The following MAPK10 variants were observed in gnomAD, a reference collection of about 807,000 sequenced individuals.
MAPK10 encodes JNK3 alpha protein kinase.
Under a neutral mutation model 59.3 loss-of-function variants are expected in MAPK10, and 25 were observed. The ratio of observed to expected loss-of-function variants is 0.42; its 90% CI spans 0.31 to 0.59. The LOEUF (loss-of-function observed/expected upper bound fraction) is 0.59, where lower values mean the gene tolerates loss of function less well. Ranked by LOEUF, MAPK10 falls within the 20% of genes least tolerant of loss-of-function variation. The probability of loss-of-function intolerance (pLI) is 0.15; values close to 1 mark genes in which losing one functional copy is unlikely to be tolerated. For missense variants in MAPK10, 351 were observed against 568.9 expected (o/e 0.62, Z 3.90); for synonymous variants, 190 against 200.5 (o/e 0.95, Z 0.44).
intron 13 of MAPK10, among the ~76,000 whole-genome samples, chr4:86,018,396 C>T (rs928760823): frequency 1.1e-4 from 16 of 151,526 alleles, no homozygotes; most frequent in East Asian, 1.9e-4. Context: ...ACAGCTTTTG[C>T]TTATGAGCTA....
intron 2 of MAPK10, among the ~76,000 whole-genome samples, chr4:86,349,070 T>C (rs1055169655): frequency 2.0e-5 from 3 of 152,210 alleles, no homozygotes; most frequent in Non-Finnish European, 4.4e-5. Context: ...CAACAGTTTG[T>C]TTAGGAAAGT....
In MAPK10 at chr4:86,375,086, A is replaced by G. The variant is rs146904248; in HGVS notation, c.-121-20442T>C. On this transcript the variant is annotated intron_variant, in intron 1 of 13. Coordinates refer to the MAPK10 transcript ENST00000361569. ...TGATTATAATGCGAGGGATTTTTAA[A>G]TTGCTAAATCATTACAGTGATGGGA... is the stretch of plus-strand genomic sequence containing the variant. Among the ~76,000 whole-genome samples the G allele has an allele frequency of 2.6e-3, 401 of 152,338 alleles. 8 individuals carry two copies. Among genetic ancestry groups the G allele is most frequent in the Admixed American group, 0.024 (365 of 15,302 alleles).
intron 11 of MAPK10, among the ~76,000 whole-genome samples, chr4:86,059,083 C>T (rs2045212429): frequency 6.6e-6 from 1 of 152,164 alleles, no homozygotes. Context: ...AATAGGCATA[C>T]ACAATATCAA....
intron 1 of MAPK10, among the ~76,000 whole-genome samples, chr4:86,424,682 G>A (rs549411965): frequency 6.6e-6 from 1 of 152,112 alleles, no homozygotes; most frequent in East Asian, 1.9e-4. Flanking sequence ...CTCATGTCTA[G>A]GAAATCATGA....
intron 2 of MAPK10, among the ~76,000 whole-genome samples, chr4:86,208,209 A>C (rs569741586): frequency 6.6e-6 from 1 of 152,082 alleles, no homozygotes; most frequent in South Asian, 2.1e-4. Context: ...AATCAATAGA[A>C]AAAGAGGGAA....
intron 11 of MAPK10, among the ~76,000 whole-genome samples, chr4:86,049,912 C>T (rs930411128): frequency 1.3e-5 from 2 of 152,098 alleles, no homozygotes; most frequent in African/African-American, 2.4e-5. Flanking sequence ...AAATCTGTTC[C>T]CCCAAGCCTG....
At chr4:86,428,317 T>A (rs1747576207) in intron 1 of MAPK10, among the ~76,000 whole-genome samples, 1 of 152,038 alleles carries the variant, frequency 6.6e-6, no homozygotes, top group Non-Finnish European at 1.5e-5. Context: ...CTAATTTTTG[T>A]ATTTTTTGTT....
intron 1 of MAPK10, among the ~76,000 whole-genome samples, chr4:86,523,631 C>G (rs1428562144): frequency 2.0e-5 from 3 of 152,202 alleles, no homozygotes; most frequent in Non-Finnish European, 4.4e-5. Flanking sequence ...TTTGGCTCTT[C>G]CGTTTCTTGA....
At chr4:86,468,472 T>C (rs1752395544) in intron 1 of MAPK10, among the ~76,000 whole-genome samples, 1 of 152,182 alleles carries the variant, frequency 6.6e-6, no homozygotes, top group Non-Finnish European at 1.5e-5. Context: ...GAACCAGATT[T>C]TGAAGAGCTT....
At chr4:86,372,594 A>AAAAGAAAAGAAAAGAAAAGAAAAGG (rs1315879759) in intron 1 of MAPK10, among the ~76,000 whole-genome samples, 1 of 151,656 alleles carries the variant, frequency 6.6e-6, no homozygotes, top group African/African-American at 2.4e-5. Flanking sequence ...AAAAGAAAAG[A>AAAAGAAAAGAAAAGAAAAGAAAAGG]AAAGGAAAGA....
intron 3 of MAPK10, among the ~76,000 whole-genome samples, chr4:86,176,312 C>T (rs2075676555): frequency 6.6e-6 from 1 of 152,110 alleles, no homozygotes; most frequent in African/African-American, 2.4e-5. Context: ...TAACCATACA[C>T]TGAAAATCAC....
At chr4:86,489,756 G>A (rs917245415) in intron 1 of MAPK10, among the ~76,000 whole-genome samples, 22 of 152,148 alleles carry the variant, frequency 1.4e-4, no homozygotes, top group Non-Finnish European at 2.6e-4. Flanking sequence ...CTCTAACTCC[G>A]TCTCATCTCC....
chr4:86,291,363 C>T (rs995561556), intron 2 of MAPK10, among the ~76,000 whole-genome samples: 2 of 152,260 alleles, frequency 1.3e-5, no homozygotes, highest in East Asian at 3.9e-4. Flanking sequence ...GGTCCCGAGT[C>T]GGCCAATGCC....
chr4:86,044,141 T>C (rs1257193834), intron 11 of MAPK10, among the ~76,000 whole-genome samples: 1 of 152,190 alleles, frequency 6.6e-6, no homozygotes, highest in Non-Finnish European at 1.5e-5. Context: ...AGATACAAAT[T>C]TCCACGTCCA....
intron 1 of MAPK10, among the ~76,000 whole-genome samples, chr4:86,418,455 G>A (rs897594398): frequency 3.9e-5 from 6 of 152,092 alleles, no homozygotes; most frequent in South Asian, 2.1e-4. Flanking sequence ...TCATTTGTAC[G>A]AAATGCACCA....
rs116097162 is a variant in MAPK10, at chr4:86,356,582, C to T, written c.-121-1938G>A. 8.1e-3 allele frequency: 2,605 copies of T among 321,570 alleles called. 17 individuals carry two copies. The highest frequency in any genetic ancestry group is 0.023 in the South Asian group (188 of 8,100). The allele number at this position is 321,570 out of a possible 1,614,324, so 19.9% of individuals were successfully genotyped here. A position where few individuals can be genotyped will look rare whatever the true frequency, so the allele number is the denominator to read the frequency against. On this transcript the variant is annotated intron_variant, in intron 1 of 13. Transcript: ENST00000641462. ...GGTTTTGTATTTTCCCCTTCTTTGCCTTGATCGGTTCATGAGGATAAAATG... is the reference window on the plus strand; with the variant it reads ...GGTTTTGTATTTTCCCCTTCTTTGCTTTGATCGGTTCATGAGGATAAAATG...
chr4:86,527,463 C>A (rs1297833748), intron 1 of MAPK10, among the ~76,000 whole-genome samples: 1 of 151,804 alleles, frequency 6.6e-6, no homozygotes, highest in Non-Finnish European at 1.5e-5. Context: ...CAATGAGATA[C>A]CATCTCACAC....
At chr4:86,379,300 A>G (rs1480774285) in intron 1 of MAPK10, among the ~76,000 whole-genome samples, 1 of 152,228 alleles carries the variant, frequency 6.6e-6, no homozygotes, top group African/African-American at 2.4e-5. Context: ...TATTGTAGAA[A>G]TCATTTTGCA....
Position 86,081,482 on chromosome 4 carries a change from A to T in MAPK10, c.803-13527T>A, listed in dbSNP as rs566639176. 7.2e-5 allele frequency: 11 copies of T among 152,122 alleles called. No individual in the cohort carries two copies. The South Asian group carries it at 2.3e-3, about 32-fold the overall frequency. The allele number at this position is 152,122 out of a possible 1,614,324, so 9.4% of individuals were successfully genotyped here. ...AAATTAGGTGCCAAATTATATAAGG[A>T]ATGTCTACTAATCAACAGAAAAAAA... On this transcript the variant is annotated intron_variant, in intron 9 of 13. Transcript: ENST00000641462.
Sources: allele counts gnomAD v4.1 joint callset (sites outside exome capture counted in the v4.1 genomes callset), GRCh38; gene constraint gnomAD v4.1.1; transcripts MANE v1.5; gene names NCBI Gene and HGNC (gene_info 2026-07-23, HGNC 2026-07-21).